The following SEMA6D variants were observed in gnomAD, a reference collection of about 807,000 sequenced individuals.
SEMA6D encodes the protein semaphorin 6D.
A neutral mutation model predicts 106.6 loss-of-function variants in SEMA6D; 35 were observed. That is an observed-to-expected ratio of 0.33 (90% CI 0.25 to 0.44). The LOEUF (loss-of-function observed/expected upper bound fraction) is 0.44, where lower values mean the gene tolerates loss of function less well. Ranked by LOEUF, SEMA6D falls within the 20% of genes least tolerant of loss-of-function variation. The probability of loss-of-function intolerance (pLI) is 1.00; values close to 1 mark genes in which losing one functional copy is unlikely to be tolerated. For missense variants in SEMA6D, 1,185 were observed against 1,345.9 expected, an observed-to-expected ratio of 0.88 and a Z score of 1.87; for synonymous variants, 499 against 487.7, an observed-to-expected ratio of 1.02 and a Z score of -0.31.
rs543317411 is a variant in SEMA6D, at chr15:47,440,167, G to A, written c.-159+27695G>A. Among the ~76,000 whole-genome samples the A allele has an allele frequency of 3.9e-5, 6 of 152,080 alleles. No homozygotes were observed. In the Middle Eastern group the frequency reaches 0.014, roughly 345 times the overall value. Reference sequence around the variant, plus strand: ...GAAAGCAGTGGTTTTAGAAATAGAGGGAGGAACGTGTCTAAGACATATGAG... The same window carrying A: ...GAAAGCAGTGGTTTTAGAAATAGAGAGAGGAACGTGTCTAAGACATATGAG... On this transcript the variant is annotated intron_variant, in intron 2 of 19. Transcript: ENST00000558014.
At chr15:47,291,329 G>GTT (rs2035584059) in intron 1 of SEMA6D, among the ~76,000 whole-genome samples, 1 of 152,200 alleles carries the variant, frequency 6.6e-6, no homozygotes, top group Non-Finnish European at 1.5e-5. Context: ...GCCTGAGGTT[G>GTT]TAAGTCTGTT....
intron 18 of SEMA6D, among the ~76,000 whole-genome samples, chr15:47,768,978 C>CA (rs1225090510): frequency 6.6e-6 from 1 of 152,310 alleles, no homozygotes; most frequent in East Asian, 1.9e-4. Context: ...AGCAGCCACT[C>CA]AGACAATCTA....
intron 3 of SEMA6D, among the ~76,000 whole-genome samples, chr15:47,501,018 G>A (rs1467346510): frequency 5.9e-5 from 9 of 152,098 alleles, no homozygotes; most frequent in Non-Finnish European, 1.2e-4. Flanking sequence ...CTTCCAAGCA[G>A]TAGAGGGAAG....
At chr15:47,278,366 A>G (rs1177191286) in intron 1 of SEMA6D, among the ~76,000 whole-genome samples, 1 of 152,186 alleles carries the variant, frequency 6.6e-6, no homozygotes, top group African/African-American at 2.4e-5. Flanking sequence ...ATGGCCAGTG[A>G]TGGTGAGCAT....
Position 47,762,232 on chromosome 15 carries a change from T to G in SEMA6D, c.571T>G (p.Phe191Val). Residue 191 changes from phenylalanine (F) to valine (V), a missense_variant, in exon 8 of 19, where the codon TTC becomes GTC. By Grantham distance (50) the Phe-to-Val change is conservative (BLOSUM62 -1). Coordinates refer to ENST00000536845, the MANE Select transcript of SEMA6D (RefSeq NM_001358351.3). ...GKLYSATVADFLASDAVIYRS... is the reference protein window; with the variant it reads ...GKLYSATVADVLASDAVIYRS... ...GCTGTATTCTGCCACAGTGGCTGAC[T>G]TCTTGGCCAGCGATGCCGTTATTTA... The G allele has an allele frequency of 6.2e-7, 1 of 1,613,694 alleles. No homozygotes were observed. The highest frequency in any genetic ancestry group is 8.5e-7 in the Non-Finnish European group (1 of 1,179,654).
At chr15:47,762,521 G>A (rs1017829538) in intron 8 of SEMA6D, among the ~76,000 whole-genome samples, 3 of 151,946 alleles carry the variant, frequency 2.0e-5, no homozygotes, top group African/African-American at 7.3e-5. Flanking sequence ...GTTCATCCAG[G>A]TGTTTATCCT....
At chr15:47,332,296 G>A (rs2037372474) in intron 1 of SEMA6D, among the ~76,000 whole-genome samples, 1 of 152,140 alleles carries the variant, frequency 6.6e-6, no homozygotes, top group Admixed American at 6.6e-5. Context: ...GAAAATGCTT[G>A]CACAATTGAA....
intron 1 of SEMA6D, among the ~76,000 whole-genome samples, chr15:47,752,537 G>A (rs1204210795): frequency 6.6e-6 from 1 of 152,154 alleles, no homozygotes; most frequent in South Asian, 2.1e-4. Context: ...TGGGATCAGG[G>A]CTACAGGAGG....
intron 4 of SEMA6D, among the ~76,000 whole-genome samples, chr15:47,651,852 G>T (rs1426614724): frequency 2.0e-5 from 3 of 152,186 alleles, no homozygotes; most frequent in Non-Finnish European, 2.9e-5. Flanking sequence ...CAGGACACCT[G>T]TGTGATCCTT....
chr15:47,419,421 G>T (rs1390212373), intron 2 of SEMA6D, among the ~76,000 whole-genome samples: 1 of 152,078 alleles, frequency 6.6e-6, no homozygotes, highest in East Asian at 1.9e-4. Context: ...AAGTGATAAT[G>T]AGCCATATGC....
At chr15:47,354,075 A>G (rs750651258) in intron 1 of SEMA6D, among the ~76,000 whole-genome samples, 2 of 151,324 alleles carry the variant, frequency 1.3e-5, no homozygotes, top group Non-Finnish European at 2.9e-5. Context: ...ACATATATAT[A>G]TGTATAGAAT....
intron 1 of SEMA6D, among the ~76,000 whole-genome samples, chr15:47,721,368 G>A (rs1267546266): frequency 4.6e-5 from 7 of 152,150 alleles, no homozygotes; most frequent in Admixed American, 4.6e-4. Context: ...CTTAGAGTGA[G>A]AGATCTCACT....
chr15:47,322,148 T>C (rs1340684409), intron 1 of SEMA6D, among the ~76,000 whole-genome samples: 1 of 152,180 alleles, frequency 6.6e-6, no homozygotes, highest in Admixed American at 6.5e-5. Flanking sequence ...GTTATGCTTA[T>C]TGGAAAGTTG....
chr15:47,327,067 G>T (rs1489128689), intron 1 of SEMA6D, among the ~76,000 whole-genome samples: 1 of 152,120 alleles, frequency 6.6e-6, no homozygotes, highest in African/African-American at 2.4e-5. Context: ...TTATATTAAT[G>T]ATGCCTTTGG....
intron 3 of SEMA6D, among the ~76,000 whole-genome samples, chr15:47,513,393 T>A (rs2141822784): frequency 6.6e-6 from 1 of 152,272 alleles, no homozygotes; most frequent in Middle Eastern, 3.4e-3. Context: ...TAATCTCTAT[T>A]CCACTACATT....
intron 3 of SEMA6D, among the ~76,000 whole-genome samples, chr15:47,544,404 T>C (rs1482444251): frequency 1.3e-5 from 2 of 152,174 alleles, no homozygotes; most frequent in East Asian, 3.9e-4. Context: ...ACATGTTTAT[T>C]GGCTCGAAAT....
Position 47,761,159 on chromosome 15 carries a change from A to C in SEMA6D, c.284A>C (p.Lys95Thr). 6.2e-7 allele frequency: 1 copy of C among 1,613,754 alleles called. No homozygotes were observed. The highest frequency in any genetic ancestry group is 1.1e-5 in the South Asian group (1 of 91,066). The change falls in exon 5 of 19, where the codon AAA (lysine) becomes ACA (threonine). Residue 95 changes from lysine (K) to threonine (T), a missense_variant and splice_region_variant. By Grantham distance (78) the Lys-to-Thr change is moderately conservative. Transcript: ENST00000536845. ...TTTGGTTTTGCTTGATTAATACAGAAACTGACATGGCGATCAAGACAACAG... is the reference window on the plus strand; with the variant it reads ...TTTGGTTTTGCTTGATTAATACAGACACTGACATGGCGATCAAGACAACAG... ...MPKTEVIPNK[K>T]LTWRSRQQDR...
chr15:47,297,275 G>A (rs772302376), intron 1 of SEMA6D, among the ~76,000 whole-genome samples: 3 of 152,186 alleles, frequency 2.0e-5, no homozygotes, highest in Non-Finnish European at 4.4e-5. Flanking sequence ...TTATAAAACA[G>A]ATGTTTCGAC....
intron 2 of SEMA6D, chr15:47,412,538 A>C (rs562972347): frequency 6.6e-6 from 1 of 152,596 alleles, no homozygotes; most frequent in South Asian, 2.1e-4. Flanking sequence ...TTTCCATTAG[A>C]TGTGAAACTG....
Sources: allele counts gnomAD v4.1 joint callset (sites outside exome capture counted in the v4.1 genomes callset), GRCh38; gene constraint gnomAD v4.1.1; transcripts MANE v1.5; gene names NCBI Gene and HGNC (gene_info 2026-07-23, HGNC 2026-07-21).